LYST: variants seen among roughly 807,000 people sequenced by gnomAD.
LYST encodes the protein lysosomal trafficking regulator.
Under a neutral mutation model 413.6 loss-of-function variants are expected in LYST, and 192 were observed. The ratio of observed to expected loss-of-function variants is 0.46; its 90% CI spans 0.41 to 0.52. The LOEUF is 0.52. LYST is among the 20% of genes least tolerant of loss of function. The probability of loss-of-function intolerance (pLI) is 0.00; values close to 1 mark genes in which losing one functional copy is unlikely to be tolerated. For synonymous variants in LYST, 1,525 were observed against 1,567.3 expected (o/e 0.97, Z 0.64); for missense variants, 3,815 against 4,499.9 (o/e 0.85, Z 4.35).
At chr1:235,795,553 C>T (rs79426009) in intron 10 of LYST, among the ~76,000 whole-genome samples, 4,144 of 152,218 alleles carry the variant, frequency 0.027, 168 homozygotes, top group African/African-American at 0.094. Flanking sequence ...GGTATGCAAA[C>T]TGCCATGTAG....
In LYST at chr1:235,734,602, A is replaced by G. The variant is rs1322273745; in HGVS notation, c.8416T>C (p.Leu2806=). The change falls in exon 32 of 53, where the codon TTG becomes CTG. Residue 2806 remains leucine, a synonymous_variant. Transcript: ENST00000389793. ...GCTGTGCCTAGCTCTTCTTCAGTCA[A>G]TTCACCTTGGTGATTATGTATCAAC... The part of the protein sequence containing the change: ...SELIHNHQGE[L]TEEELGTAEL... The G allele has an allele frequency of 1.2e-6, 2 of 1,613,122 alleles. No individual in the cohort carries two copies. The highest frequency in any genetic ancestry group is 2.7e-5 in the African/African-American group (2 of 74,924).
intron 3 of LYST, among the ~76,000 whole-genome samples, chr1:235,820,057 T>C (rs1209372567): frequency 6.6e-6 from 1 of 152,250 alleles, no homozygotes; most frequent in Non-Finnish European, 1.5e-5. Context: ...TGAGGTATTT[T>C]TCCATTCAAG....
At chr1:235,679,594 C>T (rs1393064222) in intron 48 of LYST, among the ~76,000 whole-genome samples, 2 of 151,676 alleles carry the variant, frequency 1.3e-5, no homozygotes, top group African/African-American at 4.9e-5. Flanking sequence ...TGTAGGAATT[C>T]CTCTATTTGT....
chr1:235,733,348 ATTCT>A (rs1028720463), intron 34 of LYST, among the ~76,000 whole-genome samples, 151 bp downstream of exon 34: 2 of 152,182 alleles, frequency 1.3e-5, no homozygotes, highest in Admixed American at 6.5e-5. Flanking sequence ...TCATATGATT[ATTCT>A]TTAAGATGAA....
chr1:235,661,413 C>T lies in LYST; in HGVS notation c.*1527G>A, dbSNP rs560329903. The T allele has an allele frequency of 1.3e-5, 2 of 152,312 alleles. No homozygotes were observed. The highest frequency in any genetic ancestry group is 2.9e-5 in the Non-Finnish European group (2 of 68,034). The allele number at this position is 152,312 out of a possible 1,614,324, so 9.4% of individuals were successfully genotyped here. On this transcript the variant is annotated 3_prime_UTR_variant, in exon 53 of 53. Transcript: ENST00000389793. ...TTGTTAACAAAGCAAATCACTTCAA[C>T]GTGAATAGGAGTAATCTCATCTCTG...
chr1:235,720,526 G>T, intron 40 of LYST, 135 bp downstream of exon 40: 1 of 846,228 alleles, frequency 1.2e-6, no homozygotes, highest in Non-Finnish European at 1.9e-6. Flanking sequence ...TGTTGAACCA[G>T]GGTGATAGGT....
intron 24 of LYST, 118 bp from the exon 25 acceptor site, chr1:235,755,765 A>G (rs1666983170): frequency 4.9e-6 from 3 of 608,838 alleles, no homozygotes; most frequent in South Asian, 2.1e-5. Context: ...AGAACACAGA[A>G]AGCTTAAAAA....
intron 14 of LYST, among the ~76,000 whole-genome samples, chr1:235,786,726 AG>A (rs1447075762): frequency 6.6e-6 from 1 of 152,132 alleles, no homozygotes; most frequent in Non-Finnish European, 1.5e-5. Context: ...GCCATAAAAA[AG>A]GATGAGTTCA....
intron 1 of LYST, among the ~76,000 whole-genome samples, chr1:235,848,556 A>C (rs1235391627): frequency 2.6e-5 from 4 of 151,898 alleles, no homozygotes; most frequent in Non-Finnish European, 5.9e-5. Flanking sequence ...TGAAACAAAC[A>C]AAAAAAATAC....
intron 21 of LYST, 148 bp from the exon 22 acceptor site, chr1:235,762,999 G>A (rs961811977): frequency 2.0e-5 from 13 of 648,186 alleles, no homozygotes; most frequent in African/African-American, 7.4e-5. Context: ...TAAGGCACAC[G>A]ATATGTGAAT....
intron 22 of LYST, among the ~76,000 whole-genome samples, chr1:235,761,467 T>C (rs895642867): frequency 9.2e-5 from 14 of 152,152 alleles, no homozygotes; most frequent in East Asian, 3.8e-4. Context: ...ATTAGGAAGA[T>C]AGAAAAGTAC....
chr1:235,856,295 A>C (rs773628757), intron 1 of LYST, among the ~76,000 whole-genome samples: 2 of 152,204 alleles, frequency 1.3e-5, no homozygotes, highest in Admixed American at 6.5e-5. Flanking sequence ...ACTTTCTTAA[A>C]ATACATTAAA....
chr1:235,810,227 T>C lies in LYST; in HGVS notation c.591A>G (p.Lys197=). Residue 197 remains lysine, a synonymous_variant, in exon 5 of 53, where the codon AAA becomes AAG. Transcript: ENST00000389793. ...LLHHFLTSFP[K]QDHPKAKLDR... is the part of the protein sequence containing the mutation. Reference sequence around the variant, plus strand: ...CAAGTTTAGCTTTGGGGTGGTCTTGTTTAGGAAACGATGTTAAAAAATGAT... The same window carrying C: ...CAAGTTTAGCTTTGGGGTGGTCTTGCTTAGGAAACGATGTTAAAAAATGAT... 6.2e-7 allele frequency: 1 copy of C among 1,614,108 alleles called. No individual in the cohort carries two copies. Among genetic ancestry groups the C allele is most frequent in the Non-Finnish European group, 8.5e-7 (1 of 1,179,990 alleles).
At chr1:235,737,916 A>AAATATGCG in intron 31 of LYST, 4 of 1,163,404 alleles carry the variant, frequency 3.4e-6, no homozygotes, top group Non-Finnish European at 4.3e-6. Context: ...GCTGCCGACG[A>AAATATGCG]GTCTGGATCT....
At chr1:235,673,559 C>A (rs1484125204) in intron 50 of LYST, among the ~76,000 whole-genome samples, 12 of 152,146 alleles carry the variant, frequency 7.9e-5, no homozygotes, top group Admixed American at 7.9e-4. Flanking sequence ...GAAGGAGTCA[C>A]CGCCCCCCAC....
Position 235,752,037 on chromosome 1 carries a change from T to C in LYST, c.7595A>G (p.Tyr2532Cys), listed in dbSNP as rs1666546898. 6.2e-7 allele frequency: 1 copy of C among 1,610,830 alleles called. No homozygotes were observed. The change falls in exon 27 of 53, where the codon TAT (tyrosine) becomes TGT (cysteine). Residue 2532 changes from tyrosine to cysteine, a missense_variant. Tyr to Cys is a radical substitution (Grantham distance 194, BLOSUM62 -2). Around this residue, in one of 4 missense-constraint regions of LYST, gnomAD observed 771 missense variants for 837.1 expected, o/e 0.92. Coordinates refer to ENST00000389793, the MANE Select transcript of LYST (RefSeq NM_000081.4). The part of the protein sequence containing the change: ...VIEDLIVMLG[Y>C]LQNSKNKRTQ... ...CCTCTTGTTTTTGCTATTTTGAAGATATCCAAGCATTACAATAAGGTCTTC... is the reference window on the plus strand; with the variant it reads ...CCTCTTGTTTTTGCTATTTTGAAGACATCCAAGCATTACAATAAGGTCTTC...
At chr1:235,751,703 T>C (rs532097220) in intron 27 of LYST, among the ~76,000 whole-genome samples, 2 of 152,258 alleles carry the variant, frequency 1.3e-5, no homozygotes, top group African/African-American at 4.8e-5. Context: ...TAATTACCAT[T>C]AAAGAAAACT....
At chr1:235,756,043 CTATATCTAT>C (rs1667017969) in intron 24 of LYST, among the ~76,000 whole-genome samples, 1 of 151,688 alleles carries the variant, frequency 6.6e-6, no homozygotes, top group African/African-American at 2.4e-5. Context: ...ATATCTATAT[CTATATCTAT>C]ATCTATATCT....
intron 40 of LYST, 47 bp from the exon 41 acceptor site, chr1:235,716,825 A>C: frequency 9.1e-7 from 1 of 1,101,526 alleles, no homozygotes; most frequent in Non-Finnish European, 1.4e-6. Context: ...TGATACTGTC[A>C]AGATTAAGCT....
Sources: gnomAD v4.1 joint callset for allele counts (sites outside exome capture counted in the v4.1 genomes callset) on GRCh38, gnomAD v4.1.1 for gene constraint, gnomAD v4.1.1 regional missense constraint, MANE v1.5 for transcripts, NCBI Gene and HGNC (gene_info 2026-07-23, HGNC 2026-07-21) for gene names.